The following STK32C variants were observed in gnomAD, a reference collection of about 807,000 sequenced individuals.
STK32C encodes the protein serine/threonine kinase 32C.
STK32C carries 31 observed loss-of-function variants against 56.5 expected under a neutral mutation model. That is an observed-to-expected ratio of 0.55 (90% confidence interval 0.41 to 0.74). The LOEUF is 0.74. STK32C is among the 30% of genes least tolerant of loss of function. STK32C has a pLI of 0.00. For missense variants in STK32C, 544 were observed against 676.9 expected, an observed-to-expected ratio of 0.80 and a Z score of 2.18; for synonymous variants, 309 against 289.4, an observed-to-expected ratio of 1.07 and a Z score of -0.69.
chr10:132,229,877 C>T (rs543460862), intron 2 of STK32C, among the ~76,000 whole-genome samples: 9 of 152,220 alleles, frequency 5.9e-5, no homozygotes, highest in African/African-American at 1.2e-4. Context: ...CACTGTGGTG[C>T]GGGAGACAGT....
chr10:132,323,724 T>G (rs576750585), downstream of STK32C, among the ~76,000 whole-genome samples: 1 of 152,208 alleles, frequency 6.6e-6, no homozygotes, highest in South Asian at 2.1e-4. The surrounding 1 kb of genome is among the most constrained non-coding windows in gnomAD (Gnocchi z 4.8). Flanking sequence ...TCAAGGCCAG[T>G]GTCTTGGTCC....
chr10:132,271,951 T>G (rs1387422983), intron 1 of STK32C, among the ~76,000 whole-genome samples: 1 of 152,176 alleles, frequency 6.6e-6, no homozygotes, highest in Non-Finnish European at 1.5e-5. Context: ...CTCATGTTTG[T>G]GTGTGTGCTG....
At chr10:132,313,788 G>C (rs923109273) in intron 1 of STK32C, among the ~76,000 whole-genome samples, 5 of 152,272 alleles carry the variant, frequency 3.3e-5, no homozygotes, top group African/African-American at 1.2e-4. Context: ...GGAGTGGCAA[G>C]AGACGAAGGC....
At chr10:132,246,631 G>A (rs2063705064) in intron 1 of STK32C, among the ~76,000 whole-genome samples, 1 of 152,234 alleles carries the variant, frequency 6.6e-6, no homozygotes, top group Non-Finnish European at 1.5e-5. Flanking sequence ...GTCCCTCCGG[G>A]AGAAGGACGG....
At chr10:132,320,857 A>G (rs1284647165), downstream of STK32C, among the ~76,000 whole-genome samples, 2 of 152,154 alleles carry the variant, frequency 1.3e-5, no homozygotes, top group Non-Finnish European at 2.9e-5. Context: ...CATCATTGTG[A>G]TTTCCTACAG....
chr10:132,220,340 A>G (rs1251443547), intron 10 of STK32C, among the ~76,000 whole-genome samples: 1 of 152,228 alleles, frequency 6.6e-6, no homozygotes, highest in Non-Finnish European at 1.5e-5. Flanking sequence ...CTCCCCGGAG[A>G]GCCTTCAGAG....
chr10:132,311,645 C>T (rs1454314307), upstream of STK32C, among the ~76,000 whole-genome samples: 5 of 152,176 alleles, frequency 3.3e-5, no homozygotes, highest in South Asian at 2.1e-4. The surrounding 1 kb of genome is among the most constrained non-coding windows in gnomAD (Gnocchi z 4.4). Flanking sequence ...GCGCCGGGGC[C>T]GAGCATGAGT....
chr10:132,209,209 T>C, intron 10 of STK32C, 108 bp from the exon 11 acceptor site: 1 of 1,023,432 alleles, frequency 9.8e-7, no homozygotes, highest in East Asian at 2.5e-5. Context: ...CCTGTGGCTT[T>C]GGATGACGGC....
At chr10:132,292,212 T>C (rs1003680307) in intron 1 of STK32C, among the ~76,000 whole-genome samples, 14 of 151,600 alleles carry the variant, frequency 9.2e-5, no homozygotes, top group African/African-American at 2.9e-4. Context: ...CCACGAGGAG[T>C]AGACAGCCAG....
intron 1 of STK32C, among the ~76,000 whole-genome samples, chr10:132,292,447 CA>C (rs1168258610): frequency 1.3e-5 from 2 of 152,354 alleles, no homozygotes; most frequent in South Asian, 2.1e-4. Context: ...CGGATTCATC[CA>C]CACACTCATA....
intron 10 of STK32C, among the ~76,000 whole-genome samples, chr10:132,220,816 C>T (rs2062613648): frequency 6.6e-6 from 1 of 152,230 alleles, no homozygotes. Context: ...TCAATGTTAG[C>T]TCACATTCTG....
At chr10:132,267,996 T>TCA in intron 1 of STK32C, among the ~76,000 whole-genome samples, 1 of 150,404 alleles carries the variant, frequency 6.6e-6, no homozygotes, top group Non-Finnish European at 1.5e-5. Flanking sequence ...TGTGTGTGTG[T>TCA]GTGTCGGTGT....
downstream of STK32C, among the ~76,000 whole-genome samples, chr10:132,322,100 G>A (rs1278318273): frequency 6.6e-6 from 1 of 152,208 alleles, no homozygotes; most frequent in Admixed American, 6.5e-5. Flanking sequence ...CCAGTTGAGT[G>A]AGTGTAAGAC....
intron 1 of STK32C, among the ~76,000 whole-genome samples, chr10:132,305,699 G>A (rs1282067977): frequency 6.6e-6 from 1 of 152,204 alleles, no homozygotes; most frequent in Non-Finnish European, 1.5e-5. Flanking sequence ...ACTCAGAGGT[G>A]CAGAACATTC....
intron 1 of STK32C, among the ~76,000 whole-genome samples, chr10:132,293,535 G>A (rs905947561): frequency 3.3e-5 from 5 of 152,222 alleles, no homozygotes; most frequent in East Asian, 1.9e-4. Context: ...TGGGGTGGGC[G>A]TTACTGCAGA....
chr10:132,248,158 C>T (rs1479255134), intron 1 of STK32C, among the ~76,000 whole-genome samples: 1 of 152,242 alleles, frequency 6.6e-6, no homozygotes, highest in Non-Finnish European at 1.5e-5. Context: ...GGGCCGCGGC[C>T]GCACAGGCAG....
At position 132,222,633 on chromosome 10, in the gene STK32C, G is replaced by C. The variant is rs200047301; in HGVS notation, c.1251+8C>G. ...GCCGCCGCGCCCTGAGCCTGCCCTGGCACTCACGGACTGGGAGCTGTCCCT... is the reference window on the plus strand; with the variant it reads ...GCCGCCGCGCCCTGAGCCTGCCCTGCCACTCACGGACTGGGAGCTGTCCCT... On this transcript the variant is annotated splice_region_variant and intron_variant, in intron 10 of 11. Transcript: ENST00000298630. 4 of 1,611,464 alleles carry C rather than the reference G, an allele frequency of 2.5e-6. No homozygotes were observed. Among genetic ancestry groups the C allele is most frequent in the Non-Finnish European group, 3.4e-6 (4 of 1,179,818 alleles).
At chr10:132,321,016 T>C (rs1209149199), downstream of STK32C, among the ~76,000 whole-genome samples, 2 of 152,196 alleles carry the variant, frequency 1.3e-5, no homozygotes, top group Non-Finnish European at 2.9e-5. Flanking sequence ...GGGACTGGCT[T>C]GCCGTGTGGT....
rs373047289 is a variant in STK32C at position 132,226,914 on chromosome 10, G to A, written c.525C>T (p.Gly175=). Residue 175 remains glycine (G), a synonymous_variant, in exon 4 of 12, where the codon GGC becomes GGT. Transcript: ENST00000298630. ...GCTGCAGGTGGTAGCGCAGGTCCCC[G>A]CCCAGTAGCAGGTCCACGACCATGA... ...DMFMVVDLLL[G]GDLRYHLQQN... The A allele has an allele frequency of 9.5e-5, 153 of 1,613,322 alleles. No individual in the cohort carries two copies. Among genetic ancestry groups the A allele is most frequent in the Non-Finnish European group, 1.2e-4 (141 of 1,180,038 alleles).
Sources: allele counts gnomAD v4.1 joint callset (sites outside exome capture counted in the v4.1 genomes callset), GRCh38; gene constraint gnomAD v4.1.1; non-coding constraint Gnocchi (gnomAD v3.1); transcripts MANE v1.5; gene names NCBI Gene and HGNC (gene_info 2026-07-23, HGNC 2026-07-21).